Variants in DCP1B observed in about 807,000 individuals in gnomAD.
DCP1B encodes decapping mRNA 1B.
In DCP1B, 47 loss-of-function variants were observed where a neutral mutation model predicts 60.5. The ratio of observed to expected loss-of-function variants is 0.78; its 90% CI spans 0.61 to 0.99. The LOEUF (loss-of-function observed/expected upper bound fraction) is 0.99, where lower values mean the gene tolerates loss of function less well. DCP1B is among the 50% of genes least tolerant of loss of function. DCP1B has a pLI of 0.00. For synonymous variants in DCP1B, 267 were observed against 280.3 expected, an observed-to-expected ratio of 0.95 and a Z score of 0.47; for missense variants, 725 against 756.8, an observed-to-expected ratio of 0.96 and a Z score of 0.49.
In DCP1B at chr12:1,953,303, G is replaced by T. The variant is rs1435277551; in HGVS notation, c.652-15C>A. 6.5e-7 allele frequency: 1 copy of T among 1,550,076 alleles called. No individual in the cohort carries two copies. The highest frequency in any genetic ancestry group is 8.6e-7 in the Non-Finnish European group (1 of 1,156,228). On this transcript the variant is annotated splice_polypyrimidine_tract_variant and intron_variant, in intron 6 of 8. Coordinates refer to ENST00000280665, the MANE Select transcript of DCP1B (RefSeq NM_152640.5). ...GGGTCTAAGGTCTGGAAAAAATAAAGATATCTGACATGAGTCTACAAACAA... is the reference window on the plus strand; with the variant it reads ...GGGTCTAAGGTCTGGAAAAAATAAATATATCTGACATGAGTCTACAAACAA...
Position 1,948,332 on chromosome 12 carries a change from T to G in DCP1B, c.1773+754A>C. ...GCACTCGGGGGCCAGGCTGGGTGCA[T>G]CCCAGCCCTGCTTATGTACGAGCTC... is the stretch of plus-strand genomic sequence containing the variant. On this transcript the variant is annotated intron_variant, in intron 8 of 8. Coordinates refer to ENST00000280665, the MANE Select transcript of DCP1B (RefSeq NM_152640.5). This position sits in a 1 kb window ranked among gnomAD's most constrained non-coding sequence, Gnocchi z 4.8. Among the ~76,000 whole-genome samples the G allele has an allele frequency of 6.6e-6, 1 of 152,200 alleles. No homozygotes were observed. The highest frequency in any genetic ancestry group is 6.5e-5 in the Admixed American group (1 of 15,282).
chr12:1,986,163 C>T (rs2037716461), intron 3 of DCP1B, among the ~76,000 whole-genome samples: 1 of 152,182 alleles, frequency 6.6e-6, no homozygotes, highest in Non-Finnish European at 1.5e-5. Flanking sequence ...ATATACTAGT[C>T]TGAATTTGGA....
intron 7 of DCP1B, chr12:1,950,517 G>T (rs1390810383): frequency 1.5e-6 from 1 of 666,876 alleles, no homozygotes; most frequent in Non-Finnish European, 2.7e-6. Context: ...GGGGGAGTGG[G>T]AGTTATAAAT....
At chr12:1,949,043 A>C in intron 8 of DCP1B, 43 bp downstream of exon 8, 1 of 1,591,200 alleles carries the variant, frequency 6.3e-7, no homozygotes, top group Non-Finnish European at 8.6e-7. Flanking sequence ...CAGGAGGCCA[A>C]CAGGCGTGGT....
At chr12:1,954,886 A>G (rs951960674) in intron 6 of DCP1B, among the ~76,000 whole-genome samples, 17 of 152,180 alleles carry the variant, frequency 1.1e-4, no homozygotes, top group African/African-American at 4.1e-4. Flanking sequence ...TTTCTGAGAC[A>G]TGGTCTTGCT....
chr12:1,946,209 C>CATAT lies in DCP1B; in HGVS notation c.1850_1851insATAT (p.Met617IlefsTer45). On this transcript the variant is annotated frameshift_variant, in exon 9 of 9. Transcript: ENST00000280665. LOFTEE classifies it high-confidence loss of function. ...TCAGTTTTAAAAGGCCTTGCTGTCA[C>CATAT]ATAGTCTTTTTCATGGCTGCTTGAG... 6.3e-7 allele frequency: 1 copy of CATAT among 1,595,768 alleles called. No homozygotes were observed.
chr12:1,971,681 C>T lies in DCP1B; in HGVS notation c.320-3771G>A, dbSNP rs755350247. On this transcript the variant is annotated intron_variant, in intron 3 of 8. Transcript: ENST00000280665. This position sits in a 1 kb window ranked among gnomAD's most constrained non-coding sequence, Gnocchi z 4.2. ...GTTAAGGGGCCATTAAAGGCAGTGT[C>T]ATGTCAGCGTCATTCAAATGTACAT... Among the ~76,000 whole-genome samples the T allele has an allele frequency of 1.3e-5, 2 of 152,222 alleles. No homozygotes were observed. The highest frequency in any genetic ancestry group is 2.4e-5 in the African/African-American group (1 of 41,466).
chr12:1,989,022 A>G (rs1342049964), intron 3 of DCP1B, among the ~76,000 whole-genome samples: 1 of 152,230 alleles, frequency 6.6e-6, no homozygotes, highest in Non-Finnish European at 1.5e-5. Flanking sequence ...CAGCATCTAA[A>G]AAGAATTTCA....
At chr12:1,997,258 G>C (rs2041154674) in intron 2 of DCP1B, among the ~76,000 whole-genome samples, 2 of 152,352 alleles carry the variant, frequency 1.3e-5, no homozygotes, top group African/African-American at 4.8e-5. Flanking sequence ...GCCAGGTGCG[G>C]TGGCTCACGC....
chr12:1,998,802 A>T (rs772269983), intron 1 of DCP1B, among the ~76,000 whole-genome samples: 5 of 152,240 alleles, frequency 3.3e-5, no homozygotes, highest in Non-Finnish European at 7.3e-5. Context: ...ACTGTAATTC[A>T]GAATTTAAAA....
chr12:1,969,254 G>A (rs1399542822), intron 3 of DCP1B, among the ~76,000 whole-genome samples: 2 of 152,046 alleles, frequency 1.3e-5, no homozygotes, highest in African/African-American at 4.8e-5. Context: ...TCTGCTTCTT[G>A]TCAGTAATGA....
Position 1,971,202 on chromosome 12 carries a change from G to T in DCP1B, c.320-3292C>A, listed in dbSNP as rs1254296486. The stretch of plus-strand genomic sequence containing the variant: ...AACTATTTCTACATCTCTCCTGGAG[G>T]TAAGAAACCCTAAAGTGAAATAAAG... On this transcript the variant is annotated intron_variant, in intron 3 of 8. Transcript: ENST00000280665. The surrounding 1 kb of genome is among the most constrained non-coding windows in gnomAD (Gnocchi z 4.2). The T allele has an allele frequency of 3.9e-6, 5 of 1,285,812 alleles. No individual in the cohort carries two copies. The Admixed American group carries it at 1.2e-4, about 30-fold the overall frequency. 79.7% of individuals were successfully genotyped at this position (1,285,812 alleles called of 1,614,324 possible).
intron 3 of DCP1B, 112 bp downstream of exon 3, chr12:1,993,152 C>A: frequency 7.3e-7 from 1 of 1,375,834 alleles, no homozygotes; most frequent in Non-Finnish European, 1.0e-6. Context: ...AATGCTGACA[C>A]CCCCCATAGC....
chr12:1,969,201 T>A (rs1266345113), intron 3 of DCP1B, among the ~76,000 whole-genome samples: 1 of 152,244 alleles, frequency 6.6e-6, no homozygotes, highest in African/African-American at 2.4e-5. Flanking sequence ...TCTAACTACA[T>A]CTTTTTTCCC....
chr12:1,975,953 T>C (rs1366438009), intron 3 of DCP1B, among the ~76,000 whole-genome samples: 1 of 152,174 alleles, frequency 6.6e-6, no homozygotes, highest in Non-Finnish European at 1.5e-5. Context: ...ACACTGTGTA[T>C]CTGCTTATGT....
At chr12:1,979,059 G>T (rs2035301155) in intron 3 of DCP1B, among the ~76,000 whole-genome samples, 1 of 152,228 alleles carries the variant, frequency 6.6e-6, no homozygotes, top group South Asian at 2.1e-4. Flanking sequence ...ACCCAGGCTG[G>T]AGTGCAATGG....
rs115853311 is a variant in DCP1B at position 2,004,158 on chromosome 12, A to C, written c.150+124T>G. On this transcript the variant is annotated intron_variant, in intron 1 of 8. Coordinates refer to ENST00000280665, the MANE Select transcript of DCP1B (RefSeq NM_152640.5). ...CTCCACAACTTCGGCCTCAGTCCCC[A>C]GATCCACCCACTTCCAGGGCGTCAA... The C allele has an allele frequency of 3.1e-3, 4,220 of 1,381,128 alleles. 112 individuals carry two copies. The African/African-American group carries it at 0.057, about 19-fold the overall frequency. 85.6% of individuals were successfully genotyped at this position (1,381,128 alleles called of 1,614,324 possible). A position where few individuals can be genotyped will look rare whatever the true frequency, so the allele number is the denominator to read the frequency against.
At position 1,949,170 on chromosome 12, in the gene DCP1B, G is replaced by C. The variant is rs1264171996; in HGVS notation, c.1689C>G (p.Pro563=). 4 of 1,614,040 alleles carry C rather than the reference G, an allele frequency of 2.5e-6. No individual in the cohort carries two copies. The highest frequency in any genetic ancestry group is 3.4e-6 in the Non-Finnish European group (4 of 1,180,032). The change falls in exon 8 of 9, where the codon CCC becomes CCG. Residue 563 remains proline, a synonymous_variant. Coordinates refer to ENST00000280665, the MANE Select transcript of DCP1B (RefSeq NM_152640.5). ...PPAAATSLLL[P]IQSPEPSVIT... is the part of the protein sequence containing the mutation. ...TCACGGAGGGCTCCGGGCTCTGTAT[G>C]GGCAGGAGGAGGCTGGTGGCAGCAG... is the stretch of plus-strand genomic sequence containing the variant.
At chr12:1,986,497 G>A (rs188479963) in intron 3 of DCP1B, among the ~76,000 whole-genome samples, 10 of 152,330 alleles carry the variant, frequency 6.6e-5, no homozygotes, top group African/African-American at 2.2e-4. Context: ...CAGGGGCAGA[G>A]ACAGGGTCTT....
Sources: allele counts gnomAD v4.1 joint callset (sites outside exome capture counted in the v4.1 genomes callset), GRCh38; gene constraint gnomAD v4.1.1; non-coding constraint Gnocchi (gnomAD v3.1); transcripts MANE v1.5; gene names NCBI Gene and HGNC (gene_info 2026-07-23, HGNC 2026-07-21).